Variants in UTS2B observed in about 807,000 individuals in gnomAD.
UTS2B encodes urotensin 2B, also known as urotensin-2B.
A neutral mutation model predicts 19.2 loss-of-function variants in UTS2B; 21 were observed. The ratio of observed to expected loss-of-function variants is 1.09; its 90% CI spans 0.78 to 1.58. The LOEUF (loss-of-function observed/expected upper bound fraction) is 1.58. Ranked by LOEUF, UTS2B falls within the 40% of genes most tolerant of loss-of-function variation. UTS2B has a pLI of 0.00. For missense variants in UTS2B, 138 were observed against 130.3 expected, an observed-to-expected ratio of 1.06 and a Z score of -0.29; for synonymous variants, 57 against 50.2, an observed-to-expected ratio of 1.14 and a Z score of -0.58.
At chr3:191,303,083 A>T (rs1346740082) in intron 4 of UTS2B, among the ~76,000 whole-genome samples, 1 of 152,198 alleles carries the variant, frequency 6.6e-6, no homozygotes, top group African/African-American at 2.4e-5. Flanking sequence ...GCACAAAAAC[A>T]GCATTTGTTC....
chr3:191,289,298 G>A (rs2572060), intron 4 of UTS2B, among the ~76,000 whole-genome samples: 87,399 of 151,100 alleles, frequency 0.58, 26,040 homozygotes, highest in Middle Eastern at 0.69. Flanking sequence ...AGGCCCAGGT[G>A]CTCGGGAGGC....
chr3:191,275,115 TA>T (rs1354567923), intron 8 of UTS2B, 136 bp downstream of exon 8: 9 of 585,214 alleles, frequency 1.5e-5, no homozygotes, highest in African/African-American at 9.4e-5. Context: ...TATTGGAATA[TA>T]TTTTTTTAAT....
the UTS2B span, among the ~76,000 whole-genome samples, chr3:191,342,469 C>T: frequency 2.0e-5 from 3 of 152,084 alleles, no homozygotes; most frequent in African/African-American, 7.2e-5. Flanking sequence ...ATAAATAGAA[C>T]TTGCAGTAGC....
intron 2 of UTS2B, among the ~76,000 whole-genome samples, chr3:191,317,530 G>C (rs1350541539): frequency 6.6e-6 from 1 of 152,178 alleles, no homozygotes; most frequent in African/African-American, 2.4e-5. Flanking sequence ...AGCGAGCGAC[G>C]GCTGCTAGCA....
chr3:191,331,045 G>T (rs1183305332), upstream of UTS2B, among the ~76,000 whole-genome samples: 1 of 152,192 alleles, frequency 6.6e-6, no homozygotes, highest in African/African-American at 2.4e-5. Context: ...GACTAAGGAG[G>T]CTGAGCGATA....
chr3:191,268,969 A>G (rs1417395605), intron 8 of UTS2B, among the ~76,000 whole-genome samples: 1 of 152,236 alleles, frequency 6.6e-6, no homozygotes, highest in Non-Finnish European at 1.5e-5. Context: ...ATTTGTCATC[A>G]CATTTAGTCC....
intron 4 of UTS2B, among the ~76,000 whole-genome samples, chr3:191,290,929 T>C (rs935126693): frequency 6.6e-6 from 1 of 152,160 alleles, no homozygotes; most frequent in Non-Finnish European, 1.5e-5. Context: ...AGTAAGAAAA[T>C]TGAACAATTT....
chr3:191,297,968 C>T (rs913647540), intron 4 of UTS2B, among the ~76,000 whole-genome samples: 12 of 152,156 alleles, frequency 7.9e-5, no homozygotes, highest in African/African-American at 2.9e-4. Context: ...ACTGAGAATT[C>T]CAAGCGCTGG....
At chr3:191,288,930 G>C (rs75404432) in intron 4 of UTS2B, among the ~76,000 whole-genome samples, 4 of 136,290 alleles carry the variant, frequency 2.9e-5, no homozygotes, top group African/African-American at 1.0e-4. Context: ...AAAAACAAAC[G>C]AGATTACATC....
At chr3:191,300,555 AAGG>A (rs1173976087) in intron 4 of UTS2B, among the ~76,000 whole-genome samples, 1 of 152,174 alleles carries the variant, frequency 6.6e-6, no homozygotes, top group African/African-American at 2.4e-5. Flanking sequence ...GACTGCTGAG[AAGG>A]GATGGCTGTA....
intron 2 of UTS2B, among the ~76,000 whole-genome samples, chr3:191,321,957 G>T (rs962426489): frequency 1.3e-5 from 2 of 152,142 alleles, no homozygotes; most frequent in African/African-American, 2.4e-5. Context: ...AATCTGGGAG[G>T]CGGAGGTTGC....
chr3:191,327,092 T>C (rs190543520), intron 2 of UTS2B, among the ~76,000 whole-genome samples: 1 of 152,240 alleles, frequency 6.6e-6, no homozygotes, highest in Non-Finnish European at 1.5e-5. Context: ...TTTTGGCATA[T>C]CTTACTGTAA....
chr3:191,274,794 G>A (rs1442491901), intron 8 of UTS2B, among the ~76,000 whole-genome samples: 1 of 152,002 alleles, frequency 6.6e-6, no homozygotes, highest in Non-Finnish European at 1.5e-5. Context: ...TAATTTCCTA[G>A]GAAAAATTAT....
chr3:191,304,076 TC>T (rs1176858731), intron 4 of UTS2B, among the ~76,000 whole-genome samples: 2 of 152,062 alleles, frequency 1.3e-5, no homozygotes, highest in African/African-American at 4.8e-5. Flanking sequence ...CTCAAGAGAT[TC>T]TCCTACCATA....
Position 191,275,679 on chromosome 3 carries a change from C to A in UTS2B, c.241-334G>T, listed in dbSNP as rs1233966930. On this transcript the variant is annotated intron_variant, in intron 7 of 8. Transcript: ENST00000340524. ...AGGGCAACAGAGCAAGACTCCATCT[C>A]AAAAAAACAAAAAACAAACAACAAA... Among the ~76,000 whole-genome samples, 5 of 134,262 alleles carry A rather than the reference C, an allele frequency of 3.7e-5. 1 individual carries two copies. The South Asian group carries it at 1.2e-3, about 31-fold the overall frequency. The allele number at this position is 134,262 out of a possible 152,430, so 88.1% of individuals were successfully genotyped here.
chr3:191,284,183 A>T (rs931486926), intron 4 of UTS2B, among the ~76,000 whole-genome samples: 11 of 132,560 alleles, frequency 8.3e-5, no homozygotes, highest in African/African-American at 2.5e-4. Flanking sequence ...TTAAGTATAA[A>T]TAAGATTATT....
At chr3:191,308,558 T>A (rs1379507729) in intron 3 of UTS2B, among the ~76,000 whole-genome samples, 1 of 152,212 alleles carries the variant, frequency 6.6e-6, no homozygotes, top group Non-Finnish European at 1.5e-5. Context: ...TGGGTAATTC[T>A]TTATTGCGAG....
chr3:191,301,483 A>ATTTTTTTTTTTTTTT (rs750203551), intron 4 of UTS2B, among the ~76,000 whole-genome samples: 1 of 113,832 alleles, frequency 8.8e-6, no homozygotes, highest in Non-Finnish European at 1.7e-5. Context: ...ATTTTTGGTA[A>ATTTTTTTTTTTTTTT]TTTTTTTTTT....
the UTS2B span, among the ~76,000 whole-genome samples, chr3:191,345,532 A>G: frequency 2.0e-5 from 3 of 151,704 alleles, no homozygotes; most frequent in African/African-American, 7.3e-5. Flanking sequence ...TAAGTTACCC[A>G]CTTTACTCTG....
Sources: gnomAD v4.1 joint callset for allele counts (sites outside exome capture counted in the v4.1 genomes callset) on GRCh38, gnomAD v4.1.1 for gene constraint, MANE v1.5 for transcripts, NCBI Gene and HGNC (gene_info 2026-07-23, HGNC 2026-07-21) for gene names.